Variants in PDE11A observed in about 807,000 individuals in gnomAD.
PDE11A encodes dual 3',5'-cyclic-AMP and -GMP phosphodiesterase 11A.
PDE11A carries 100 observed loss-of-function variants against 100.5 expected under a neutral mutation model. The ratio of observed to expected loss-of-function variants is 1.00; its 90% CI spans 0.85 to 1.18. The LOEUF (loss-of-function observed/expected upper bound fraction) is 1.18. Ranked by LOEUF, PDE11A falls within the 50% of genes most tolerant of loss-of-function variation. PDE11A has a pLI of 0.00. For synonymous variants in PDE11A, 381 were observed against 420.8 expected (o/e 0.91, Z 1.16); for missense variants, 1,141 against 1,152.6 (o/e 0.99, Z 0.15).
chr2:177,676,951 A>G (rs930524441), intron 16 of PDE11A, among the ~76,000 whole-genome samples: 1 of 152,280 alleles, frequency 6.6e-6, no homozygotes, highest in African/African-American at 2.4e-5. Flanking sequence ...TGTGCCTATC[A>G]CAAAGCTACC....
At chr2:177,882,489 G>T (rs1444575826) in intron 4 of PDE11A, among the ~76,000 whole-genome samples, 2 of 152,080 alleles carry the variant, frequency 1.3e-5, no homozygotes, top group Non-Finnish European at 2.9e-5. Flanking sequence ...AATTTTAAAA[G>T]TTTACTATCT....
intron 6 of PDE11A, among the ~76,000 whole-genome samples, chr2:177,836,235 A>G (rs1210589314): frequency 1.3e-5 from 2 of 152,168 alleles, no homozygotes; most frequent in Non-Finnish European, 1.5e-5. Flanking sequence ...AAATGCACCA[A>G]TCAGTGCTCT....
intron 1 of PDE11A, among the ~76,000 whole-genome samples, chr2:178,028,838 T>A (rs2086510679): frequency 6.6e-6 from 1 of 152,142 alleles, no homozygotes; most frequent in African/African-American, 2.4e-5. Flanking sequence ...ATTCTATAAA[T>A]CTCAATTCAT....
chr2:177,680,542 C>G (rs1201627864), intron 16 of PDE11A, among the ~76,000 whole-genome samples: 1 of 152,176 alleles, frequency 6.6e-6, no homozygotes, highest in Non-Finnish European at 1.5e-5. Context: ...CTTGCACCCC[C>G]ACTTCCCCAG....
At chr2:178,026,660 CAA>C (rs67326972) in intron 1 of PDE11A, among the ~76,000 whole-genome samples, 8 of 107,956 alleles carry the variant, frequency 7.4e-5, no homozygotes, top group Admixed American at 1.0e-4. Flanking sequence ...GACTCTGTCT[CAA>C]AAAAAAAAAA....
intron 2 of PDE11A, among the ~76,000 whole-genome samples, chr2:177,920,749 G>A (rs2085027371): frequency 6.6e-6 from 1 of 151,842 alleles, no homozygotes. Flanking sequence ...AATTATATAA[G>A]TATATTTTGC....
intron 9 of PDE11A, among the ~76,000 whole-genome samples, chr2:177,775,335 A>C (rs141076405): frequency 6.6e-6 from 1 of 152,326 alleles, no homozygotes; most frequent in Non-Finnish European, 1.5e-5. Context: ...GTGCCACTCC[A>C]TCCAATCAAT....
intron 14 of PDE11A, among the ~76,000 whole-genome samples, chr2:177,699,384 T>C (rs1489147728): frequency 1.3e-5 from 2 of 152,240 alleles, no homozygotes; most frequent in East Asian, 3.8e-4. Context: ...GGTCTCTTGT[T>C]GATCAAAACA....
intron 10 of PDE11A, among the ~76,000 whole-genome samples, chr2:177,731,176 C>T (rs553628144): frequency 1.3e-5 from 2 of 152,092 alleles, no homozygotes; most frequent in South Asian, 4.1e-4. Context: ...TTGTTCCATT[C>T]ATCAATCGTT....
chr2:177,954,034 A>T (rs2085532771), intron 2 of PDE11A, among the ~76,000 whole-genome samples: 1 of 151,706 alleles, frequency 6.6e-6, no homozygotes. Context: ...CACTTCCTTT[A>T]CTTGGTGAAA....
intron 2 of PDE11A, among the ~76,000 whole-genome samples, chr2:177,942,164 A>G (rs777132651): frequency 4.6e-5 from 7 of 152,214 alleles, no homozygotes; most frequent in Non-Finnish European, 8.8e-5. Context: ...TGAGGTTGGG[A>G]CCCTGGCTTC....
At chr2:178,081,441 C>T (rs6726222) in intron 2 of PDE11A, among the ~76,000 whole-genome samples, 62,494 of 151,958 alleles carry the variant, frequency 0.41, 13,111 homozygotes, top group African/African-American at 0.46. Flanking sequence ...TGCTATACTA[C>T]AATAATAAGG....
chr2:177,683,484 C>T lies in PDE11A; in HGVS notation c.2346-2581G>A, dbSNP rs1013853287. On this transcript the variant is annotated intron_variant, in intron 15 of 19. Transcript: ENST00000286063. ...CTGAGATAGCCAAGTAAAACGAGCT[C>T]CCCGGAGAATCTCCAACCCGCCTGC... The T allele has an allele frequency of 2.6e-5, 4 of 152,256 alleles. No homozygotes were observed. In the East Asian group the frequency reaches 7.7e-4, roughly 29 times the overall value. The allele number at this position is 152,256 out of a possible 1,614,324, so 9.4% of individuals were successfully genotyped here. A position where few individuals can be genotyped will look rare whatever the true frequency, so the allele number is the denominator to read the frequency against.
At chr2:177,700,402 CAAAAAA>C (rs3056937) in intron 14 of PDE11A, among the ~76,000 whole-genome samples, 1 of 145,094 alleles carries the variant, frequency 6.9e-6, no homozygotes. Context: ...TTCCTGGCCT[CAAAAAA>C]AAAAAAAAAA....
At chr2:177,876,783 T>C (rs2084248160) in intron 4 of PDE11A, among the ~76,000 whole-genome samples, 2 of 148,258 alleles carry the variant, frequency 1.3e-5, no homozygotes, top group South Asian at 2.1e-4. Flanking sequence ...CTTTCAACAC[T>C]ACAAATGTTG....
At chr2:178,031,342 C>T (rs1041626051) in intron 1 of PDE11A, among the ~76,000 whole-genome samples, 1 of 151,686 alleles carries the variant, frequency 6.6e-6, no homozygotes, top group African/African-American at 2.4e-5. Context: ...ACAGTAGGAG[C>T]TAAGAAAAAG....
chr2:177,629,164 T>C lies in PDE11A; in HGVS notation c.*243A>G, dbSNP rs1246171522. The C allele has an allele frequency of 3.7e-6, 2 of 541,876 alleles. No individual in the cohort carries two copies. The highest frequency in any genetic ancestry group is 2.0e-5 in the South Asian group (1 of 50,184). The allele number at this position is 541,876 out of a possible 1,614,324, so 33.6% of individuals were successfully genotyped here. A position where few individuals can be genotyped will look rare whatever the true frequency, so the allele number is the denominator to read the frequency against. ...TACCCAGAGCCTTCATTTCAGCCCA[T>C]GCGTGTTCATTAGGGAAAAGTGAGG... On this transcript the variant is annotated 3_prime_UTR_variant, in exon 20 of 20. Transcript: ENST00000286063.
At chr2:178,047,989 T>C (rs530422469) in intron 1 of PDE11A, among the ~76,000 whole-genome samples, 5 of 152,308 alleles carry the variant, frequency 3.3e-5, no homozygotes, top group Admixed American at 6.5e-5. Context: ...GGCCCTCGAA[T>C]AATCTGGCTC....
At chr2:177,826,150 T>C (rs573611227) in intron 6 of PDE11A, among the ~76,000 whole-genome samples, 3 of 152,208 alleles carry the variant, frequency 2.0e-5, no homozygotes, top group Non-Finnish European at 4.4e-5. Flanking sequence ...CTGCGAGTGC[T>C]TAGTTCTTTC....
Sources: allele counts gnomAD v4.1 joint callset (sites outside exome capture counted in the v4.1 genomes callset), GRCh38; gene constraint gnomAD v4.1.1; transcripts MANE v1.5; gene names NCBI Gene and HGNC (gene_info 2026-07-23, HGNC 2026-07-21).